The following CDHR4 variants were observed in gnomAD, a reference collection of about 807,000 sequenced individuals.
The protein encoded by CDHR4 is cadherin-related family member 4.
In CDHR4, 89 loss-of-function variants were observed where a neutral mutation model predicts 88.4. The observed-to-expected ratio is 1.01, with a 90% confidence interval of 0.85 to 1.20. The LOEUF (loss-of-function observed/expected upper bound fraction) is 1.20, where lower values mean the gene tolerates loss of function less well. CDHR4 is among the 50% of genes most tolerant of loss of function. The probability of loss-of-function intolerance (pLI) is 0.00; values close to 1 mark genes in which losing one functional copy is unlikely to be tolerated. For synonymous variants in CDHR4, 368 were observed against 399.2 expected (o/e 0.92, Z 0.93); for missense variants, 914 against 1,007.2 (o/e 0.91, Z 1.25).
rs1253560886 is a variant in CDHR4 at position 49,793,607 on chromosome 3, G to A, written c.1599C>T (p.Ser533=). The A allele has an allele frequency of 6.4e-7, 1 of 1,551,798 alleles. No homozygotes were observed. The highest frequency in any genetic ancestry group is 2.0e-5 in the Admixed American group (1 of 51,018). Residue 533 remains serine, a synonymous_variant, in exon 12 of 19, where the codon TCC becomes TCT. Transcript: ENST00000412678. ...CCTCAACCTCGATGGTAATGGTACA[G>A]GAGCCTGAGAGGTGATGGTTGGGGT... The part of the protein sequence containing the change: ...DQNPNHHLSG[S]CTITIEVEDV...
In CDHR4 at chr3:49,799,830, G is replaced by C; in HGVS notation, c.-18C>G. On this transcript the variant is annotated 5_prime_UTR_variant, in exon 1 of 19. Coordinates refer to ENST00000412678, the MANE Select transcript of CDHR4 (RefSeq NM_001007540.4). ...AGCACCATGATGACCTGAAGACACA[G>C]ACAGCAGAGGAGGCTTCAGAAAGCT... is the stretch of plus-strand genomic sequence containing the variant. The C allele has an allele frequency of 1.2e-6, 2 of 1,613,712 alleles. No homozygotes were observed. Among genetic ancestry groups the C allele is most frequent in the Non-Finnish European group, 1.7e-6 (2 of 1,179,694 alleles).
intron 4 of CDHR4, 71 bp downstream of exon 4, chr3:49,798,755 T>A (rs1160419145): frequency 2.1e-6 from 3 of 1,453,102 alleles, no homozygotes; most frequent in Non-Finnish European, 2.8e-6. Context: ...CCTGGCCAGG[T>A]GGGGGTTAAT....
chr3:49,797,108 A>ACC, intron 4 of CDHR4, 76 bp from the exon 5 acceptor site: 1 of 1,195,414 alleles, frequency 8.4e-7, no homozygotes, highest in Non-Finnish European at 1.2e-6. Flanking sequence ...CCCAGCAGCA[A>ACC]CCCTCCAGCA....
Position 49,795,466 on chromosome 3 carries a change from C to T in CDHR4, c.848-87G>A. ...CCCAGCTCAGTCCCACTCCTGCCAG[C>T]CCACCAGATCCATAGGCAAAGGAGG... is the stretch of plus-strand genomic sequence containing the variant. On this transcript the variant is annotated intron_variant, in intron 7 of 18. Coordinates refer to ENST00000412678, the MANE Select transcript of CDHR4 (RefSeq NM_001007540.4). The surrounding 1 kb of genome is among the most constrained non-coding windows in gnomAD (Gnocchi z 5.4). 1 of 1,499,492 alleles carries T rather than the reference C, an allele frequency of 6.7e-7. No homozygotes were observed. The highest frequency in any genetic ancestry group is 8.9e-7 in the Non-Finnish European group (1 of 1,117,818). The allele number at this position is 1,499,492 out of a possible 1,614,324, so 92.9% of individuals were successfully genotyped here.
intron 10 of CDHR4, among the ~76,000 whole-genome samples, chr3:49,794,258 C>T (rs912559246): frequency 9.9e-5 from 15 of 152,112 alleles, no homozygotes; most frequent in Non-Finnish European, 1.5e-5. Flanking sequence ...ATTAGCCGGG[C>T]GTGGTGGCCG....
intron 18 of CDHR4, 102 bp from the exon 19 acceptor site, chr3:49,790,989 C>A: frequency 1.1e-6 from 1 of 924,738 alleles, no homozygotes. Flanking sequence ...TCCTCCAGGA[C>A]CCTCAGTGTG....
At chr3:49,797,919 T>C (rs2081295601) in intron 4 of CDHR4, among the ~76,000 whole-genome samples, 1 of 150,528 alleles carries the variant, frequency 6.6e-6, no homozygotes, top group Admixed American at 6.6e-5. Flanking sequence ...TTTTTTTTTT[T>C]TTTTTTTTGA....
At position 49,795,685 on chromosome 3, in the gene CDHR4, C is replaced by A. The variant is rs932405794; in HGVS notation, c.790G>T (p.Asp264Tyr). The change falls in exon 7 of 19, where the codon GAC becomes TAC. Residue 264 changes from aspartate to tyrosine, a missense_variant. By Grantham distance (160) the Asp-to-Tyr change is radical. Coordinates refer to ENST00000412678, the MANE Select transcript of CDHR4 (RefSeq NM_001007540.4). This position sits in a 1 kb window ranked among gnomAD's most constrained non-coding sequence, Gnocchi z 5.4. The part of the protein sequence containing the change: ...EVVQVQARGV[D>Y]LRYEILSPVP... ...GGAGACAGGATTTCATAGCGCAGGT[C>A]GACACCCCGGGCCTGGACCTGAACC... The A allele has an allele frequency of 1.3e-6, 2 of 1,551,498 alleles. No homozygotes were observed. Among genetic ancestry groups the A allele is most frequent in the East Asian group, 2.4e-5 (1 of 40,936 alleles).
chr3:49,795,679 G>A lies in CDHR4; in HGVS notation c.796C>T (p.Arg266Cys), dbSNP rs1228258488. 1.2e-5 allele frequency: 19 copies of A among 1,551,518 alleles called. No homozygotes were observed. Among genetic ancestry groups the A allele is most frequent in the East Asian group, 2.4e-5 (1 of 40,926 alleles). ...VQVQARGVDL[R>C]YEILSPVPSP... ...GGCACCGGAGACAGGATTTCATAGC[G>A]CAGGTCGACACCCCGGGCCTGGACC... Residue 266 changes from arginine to cysteine, a missense_variant, in exon 7 of 19, where the codon CGC becomes TGC. Physicochemically the swap from Arg to Cys is radical, Grantham distance 180 (BLOSUM62 -3). Coordinates refer to ENST00000412678, the MANE Select transcript of CDHR4 (RefSeq NM_001007540.4). The surrounding 1 kb of genome is among the most constrained non-coding windows in gnomAD (Gnocchi z 5.4).
At position 49,799,359 on chromosome 3, in the gene CDHR4, T is replaced by G; in HGVS notation, c.128A>C (p.Asn43Thr). Residue 43 changes from asparagine to threonine, a missense_variant, in exon 2 of 19, where the codon AAC (asparagine) becomes ACC (threonine). Asn to Thr is a moderately conservative substitution (Grantham distance 65). Transcript: ENST00000412678. Reference protein sequence around the residue: ...PGTVLQFLSFNCSSYTPTPTL... With the variant: ...PGTVLQFLSFTCSSYTPTPTL... ...GGGTGTGGGCGTGTAGGAGGAGCAG[T>G]TGAAGGATAAAAACTGAAGGACTGT... 1 of 1,612,726 alleles carries G rather than the reference T, an allele frequency of 6.2e-7. No homozygotes were observed. Among genetic ancestry groups the G allele is most frequent in the Non-Finnish European group, 8.5e-7 (1 of 1,179,418 alleles).
chr3:49,798,832 T>G lies in CDHR4; in HGVS notation c.489A>C (p.Gly163=). The G allele has an allele frequency of 1.2e-6, 2 of 1,613,750 alleles. No individual in the cohort carries two copies. The highest frequency in any genetic ancestry group is 1.7e-6 in the Non-Finnish European group (2 of 1,179,838). The change falls in exon 4 of 19, where the codon GGA becomes GGC. Residue 163 remains glycine (G), a synonymous_variant. Transcript: ENST00000412678. ...TLLLPGLELH[G]AQMSIISAQD... The stretch of plus-strand genomic sequence containing the variant: ...TCCCATGTTCTGGGCTTACCTGCGC[T>G]CCGTGGAGTTCTAGGCCTGGGAGGA...
intron 1 of CDHR4, 75 bp downstream of exon 1, chr3:49,799,689 C>T: frequency 1.3e-6 from 2 of 1,517,114 alleles, no homozygotes; most frequent in South Asian, 2.3e-5. Context: ...AATCCCTGTC[C>T]TCCATGGTAG....
At chr3:49,796,358 A>C (rs2081270651) in intron 5 of CDHR4, among the ~76,000 whole-genome samples, 1 of 151,850 alleles carries the variant, frequency 6.6e-6, no homozygotes, top group African/African-American at 2.4e-5. Flanking sequence ...CATTTTACTC[A>C]GAACTTTTTT....
chr3:49,790,792 G>A lies in CDHR4; in HGVS notation c.*40C>T, dbSNP rs2081164612. 1 of 1,518,486 alleles carries A rather than the reference G, an allele frequency of 6.6e-7. No homozygotes were observed. Among genetic ancestry groups the A allele is most frequent in the South Asian group, 1.2e-5 (1 of 80,980 alleles). 94.1% of individuals were successfully genotyped at this position (1,518,486 alleles called of 1,614,324 possible). A position where few individuals can be genotyped will look rare whatever the true frequency, so the allele number is the denominator to read the frequency against. Reference sequence around the variant, plus strand: ...TTGAAAATACAGCCCATGATGGTGTGAAAAAGAAATTCCACACATAGTAAG... The same window carrying A: ...TTGAAAATACAGCCCATGATGGTGTAAAAAAGAAATTCCACACATAGTAAG... On this transcript the variant is annotated 3_prime_UTR_variant, in exon 19 of 19. Coordinates refer to ENST00000412678, the MANE Select transcript of CDHR4 (RefSeq NM_001007540.4).
Position 49,795,730 on chromosome 3 carries a change from G to A in CDHR4, c.745C>T (p.Leu249=). ...QAQNITIPEN[L]APGSEVVQVQ... ...TGAACCACCTCACTACCGGGGGCCA[G>A]ATTCTCAGGGATGGTGATATTCTGA... The change falls in exon 7 of 19, where the codon CTG becomes TTG. Residue 249 remains leucine (L), a synonymous_variant. Transcript: ENST00000412678. This position sits in a 1 kb window ranked among gnomAD's most constrained non-coding sequence, Gnocchi z 5.4. The A allele has an allele frequency of 6.4e-7, 1 of 1,551,724 alleles. No homozygotes were observed. The highest frequency in any genetic ancestry group is 8.7e-7 in the Non-Finnish European group (1 of 1,146,982).
rs1302629412 is a variant in CDHR4, at chr3:49,793,261, G to A, written c.1674C>T (p.Thr558=). 3 of 1,551,634 alleles carry A rather than the reference G, an allele frequency of 1.9e-6. No individual in the cohort carries two copies. The South Asian group carries it at 3.6e-5, about 18-fold the overall frequency. The change falls in exon 13 of 19, where the codon ACC becomes ACT. Residue 558 remains threonine (T), a synonymous_variant. Transcript: ENST00000412678. The part of the protein sequence containing the change: ...PECEPPFQEL[T]IYAPLGRSVE... ...CGCTACGGCCCAGAGGAGCATAGAT[G>A]GTGAGTTCCTGAAATGGGGGCTCAC...
intron 9 of CDHR4, 114 bp downstream of exon 9, chr3:49,794,833 G>T: frequency 1.4e-6 from 2 of 1,453,516 alleles, no homozygotes; most frequent in Non-Finnish European, 1.9e-6. Flanking sequence ...AACACAGGTT[G>T]GCTCGACAGC....
At chr3:49,792,809 G>A in intron 14 of CDHR4, 45 bp downstream of exon 14, 1 of 1,495,176 alleles carries the variant, frequency 6.7e-7, no homozygotes, top group Non-Finnish European at 9.0e-7. Context: ...CACTCTCCAA[G>A]GTCCACCCTT....
Position 49,795,960 on chromosome 3 carries a change from G to A in CDHR4, c.693C>T (p.Ser231=). The A allele has an allele frequency of 6.5e-7, 1 of 1,542,950 alleles. No individual in the cohort carries two copies. Among genetic ancestry groups the A allele is most frequent in the Non-Finnish European group, 8.7e-7 (1 of 1,143,040 alleles). The change falls in exon 6 of 19, where the codon TCC becomes TCT. Residue 231 remains serine, a synonymous_variant. Coordinates refer to ENST00000412678, the MANE Select transcript of CDHR4 (RefSeq NM_001007540.4). This position sits in a 1 kb window ranked among gnomAD's most constrained non-coding sequence, Gnocchi z 5.4. The stretch of plus-strand genomic sequence containing the variant: ...AGCCTTACAGGAAGGAGACCTGGCT[G>A]GAGGGAACAGGCAAAACCTTCACTA... ...MVIVKVLPVP[S]SQVSFLEQAQ... is the part of the protein sequence containing the mutation.
Sources: gnomAD v4.1 joint callset for allele counts (sites outside exome capture counted in the v4.1 genomes callset) on GRCh38, gnomAD v4.1.1 for gene constraint, Gnocchi (gnomAD v3.1) non-coding constraint, MANE v1.5 for transcripts, NCBI Gene and HGNC (gene_info 2026-07-23, HGNC 2026-07-21) for gene names.